Variants in NGLY1 observed in about 807,000 individuals in gnomAD.
The protein encoded by NGLY1 is peptide-N(4)-(N-acetyl-beta-glucosaminyl)asparagine amidase.
In NGLY1, 68 loss-of-function variants were observed where a neutral mutation model predicts 84.6. The observed-to-expected ratio is 0.80, with a 90% CI of 0.66 to 0.98. The LOEUF is 0.98. Among genes scored for constraint, NGLY1 ranks in the 50% least tolerant of loss-of-function variants. The pLI, the probability that NGLY1 is intolerant of heterozygous loss-of-function variation, is 0.00. For missense variants in NGLY1, 779 were observed against 770.2 expected, an observed-to-expected ratio of 1.01 and a Z score of -0.14; for synonymous variants, 280 against 275.2, an observed-to-expected ratio of 1.02 and a Z score of -0.17.
chr3:25,738,085 G>C (rs1006369968), intron 5 of NGLY1, among the ~76,000 whole-genome samples: 1 of 152,122 alleles, frequency 6.6e-6, no homozygotes, highest in Admixed American at 6.5e-5. Context: ...GCTTTTATTT[G>C]ATCTGTGTTT....
chr3:25,774,420 G>A (rs1708053755), intron 2 of NGLY1, among the ~76,000 whole-genome samples: 1 of 152,204 alleles, frequency 6.6e-6, no homozygotes, highest in African/African-American at 2.4e-5. Context: ...TGAAGGCAGG[G>A]TTAGGCATGT....
At chr3:25,752,706 C>T (rs1706821468) in intron 3 of NGLY1, among the ~76,000 whole-genome samples, 1 of 151,390 alleles carries the variant, frequency 6.6e-6, no homozygotes. Context: ...CCCAGCTACT[C>T]AGGAGGCTAA....
chr3:25,739,729 G>C lies in NGLY1; in HGVS notation c.729C>G (p.His243Gln), dbSNP rs371573253. Reference sequence around the variant, plus strand: ...TGCTGCACAAAACGTTATTCACCCAGTGAAAAAATTCTTCCTTAAACCAGT... The same window carrying C: ...TGCTGCACAAAACGTTATTCACCCACTGAAAAAATTCTTCCTTAAACCAGT... ...LLHWFKEEFF[H>Q]WVNNVLCSKC... The change falls in exon 5 of 12, where the codon CAC becomes CAG. Residue 243 changes from histidine (H) to glutamine (Q), a missense_variant. Coordinates refer to ENST00000280700, the MANE Select transcript of NGLY1 (RefSeq NM_018297.4). 4 of 1,613,934 alleles carry C rather than the reference G, an allele frequency of 2.5e-6. No homozygotes were observed. In the African/African-American group the frequency reaches 5.3e-5, roughly 22 times the overall value.
At position 25,747,904 on chromosome 3, in the gene NGLY1, C is replaced by G. The variant is rs77921607; in HGVS notation, c.658+3194G>C. 4.2e-3 allele frequency among the ~76,000 whole-genome samples: 633 copies of G among 152,264 alleles called. 4 individuals are homozygous for G. Among genetic ancestry groups the G allele is most frequent in the African/African-American group, 0.015 (611 of 41,544 alleles). ...TAAGAAATTCAGTCTTGGGAGAGGTCCCCACACTTCTGTGCATTTTGTCTG... is the reference window on the plus strand; with the variant it reads ...TAAGAAATTCAGTCTTGGGAGAGGTGCCCACACTTCTGTGCATTTTGTCTG... On this transcript the variant is annotated intron_variant, in intron 4 of 11. Transcript: ENST00000280700.
In NGLY1 at chr3:25,732,398, G is replaced by T; in HGVS notation, c.1346C>A (p.Thr449Asn). Residue 449 changes from threonine to asparagine, a missense_variant, in exon 9 of 12, where the codon ACC becomes AAC. By Grantham distance (65) the Thr-to-Asn change is moderately conservative (BLOSUM62 0). Coordinates refer to ENST00000280700, the MANE Select transcript of NGLY1 (RefSeq NM_018297.4). ...TCCCCCAAGTTCTCCAGGTTTAGGG[G>T]TTTTGGGAGATATAAATTCAACAAG... Reference protein sequence around the residue: ...VELVEFISPKTPKPGELGGRI... With the variant: ...VELVEFISPKNPKPGELGGRI... The T allele has an allele frequency of 6.2e-7, 1 of 1,613,792 alleles. No individual in the cohort carries two copies. Among genetic ancestry groups the T allele is most frequent in the Non-Finnish European group, 8.5e-7 (1 of 1,179,762 alleles).
intron 11 of NGLY1, 151 bp downstream of exon 11, chr3:25,719,863 A>G: frequency 1.4e-6 from 1 of 714,816 alleles, no homozygotes; most frequent in Non-Finnish European, 2.1e-6. Context: ...TTACAATGGG[A>G]TCACACAGGG....
intron 3 of NGLY1, among the ~76,000 whole-genome samples, chr3:25,754,117 T>A (rs1706905718): frequency 6.6e-6 from 1 of 152,224 alleles, no homozygotes; most frequent in Admixed American, 6.5e-5. Flanking sequence ...GCAAGTAGTC[T>A]ATGGATACAA....
intron 4 of NGLY1, among the ~76,000 whole-genome samples, chr3:25,750,367 G>C (rs1340205420): frequency 6.6e-6 from 1 of 152,120 alleles, no homozygotes; most frequent in Non-Finnish European, 1.5e-5. Flanking sequence ...TGAACCCTGA[G>C]GTTCATTATG....
At chr3:25,723,727 A>G (rs1336345047) in intron 10 of NGLY1, among the ~76,000 whole-genome samples, 1 of 152,166 alleles carries the variant, frequency 6.6e-6, no homozygotes, top group Non-Finnish European at 1.5e-5. Flanking sequence ...TTTGATAGAC[A>G]TATTTTTGCC....
chr3:25,736,405 A>G (rs780232187), intron 6 of NGLY1: 48 of 1,543,930 alleles, frequency 3.1e-5, no homozygotes, highest in Non-Finnish European at 3.9e-5. Context: ...GTAACTCTTA[A>G]GAAGGTAGAC....
At chr3:25,739,439 G>C in intron 5 of NGLY1, 138 bp downstream of exon 5, 1 of 794,236 alleles carries the variant, frequency 1.3e-6, no homozygotes, top group Non-Finnish European at 1.9e-6. Flanking sequence ...GATTTAGCCT[G>C]CCAGCCACGG....
rs190691777 is a variant in NGLY1, at chr3:25,763,779, C to T, written c.492+287G>A. Reference sequence around the variant, plus strand: ...TAATGCATTCTTAATTACCTTAAACCTAAAGAAGCTTTTTTATTGAATTAA... The same window carrying T: ...TAATGCATTCTTAATTACCTTAAACTTAAAGAAGCTTTTTTATTGAATTAA... On this transcript the variant is annotated intron_variant, in intron 3 of 11. Coordinates refer to ENST00000280700, the MANE Select transcript of NGLY1 (RefSeq NM_018297.4). Among the ~76,000 whole-genome samples, 586 of 152,208 alleles carry T rather than the reference C, an allele frequency of 3.8e-3. 4 individuals are homozygous for T. Among genetic ancestry groups the T allele is most frequent in the African/African-American group, 0.013 (559 of 41,514 alleles).
intron 3 of NGLY1, among the ~76,000 whole-genome samples, chr3:25,758,204 A>C (rs1175264423): frequency 6.6e-6 from 1 of 152,236 alleles, no homozygotes; most frequent in Non-Finnish European, 1.5e-5. Context: ...ATGAGATCTA[A>C]CAAAGCCCCT....
intron 10 of NGLY1, among the ~76,000 whole-genome samples, chr3:25,720,593 C>T (rs923085294): frequency 5.3e-5 from 8 of 152,156 alleles, no homozygotes; most frequent in Admixed American, 2.6e-4. Context: ...TTTTCATATA[C>T]GCTTTCCTAG....
intron 3 of NGLY1, among the ~76,000 whole-genome samples, chr3:25,753,046 A>C (rs2125518808): frequency 6.6e-6 from 1 of 152,298 alleles, no homozygotes; most frequent in East Asian, 1.9e-4. Flanking sequence ...AACTGCTCAA[A>C]AAAAAACAGA....
chr3:25,758,542 C>T (rs573319129), intron 3 of NGLY1, among the ~76,000 whole-genome samples: 5 of 152,198 alleles, frequency 3.3e-5, no homozygotes, highest in South Asian at 2.1e-4. Flanking sequence ...CATGCCACTG[C>T]GTTCCAGCCT....
rs201479575 is a variant in NGLY1 at position 25,751,120 on chromosome 3, C to A, written c.636G>T (p.Ser212=). 7.4e-5 allele frequency: 119 copies of A among 1,612,654 alleles called. No homozygotes were observed. The African/African-American group carries it at 1.5e-3, about 20-fold the overall frequency. ...ELKRKSQEKL[S]RARKLDKGIN... ...TACCTTTATCCAATTTTCTAGCTCTCGATAACTTTTCTTGTGATTTCCTTT... is the reference window on the plus strand; with the variant it reads ...TACCTTTATCCAATTTTCTAGCTCTAGATAACTTTTCTTGTGATTTCCTTT... Residue 212 remains serine (S), a synonymous_variant, in exon 4 of 12, where the codon TCG becomes TCT. Coordinates refer to ENST00000280700, the MANE Select transcript of NGLY1 (RefSeq NM_018297.4).
upstream of NGLY1, among the ~76,000 whole-genome samples, chr3:25,784,361 G>C (rs987905153): frequency 2.6e-5 from 4 of 152,170 alleles, no homozygotes; most frequent in Non-Finnish European, 4.4e-5. Flanking sequence ...AGAATGTCGG[G>C]GGCGGGAAGG....
intron 3 of NGLY1, among the ~76,000 whole-genome samples, chr3:25,761,391 A>G (rs1265967640): frequency 2.0e-5 from 3 of 152,208 alleles, no homozygotes; most frequent in Non-Finnish European, 4.4e-5. Context: ...CAATGGGTAT[A>G]AAAATAAAGG....
Sources: allele counts gnomAD v4.1 joint callset (sites outside exome capture counted in the v4.1 genomes callset), GRCh38; gene constraint gnomAD v4.1.1; transcripts MANE v1.5; gene names NCBI Gene and HGNC (gene_info 2026-07-23, HGNC 2026-07-21).